Variants in SEPTIN9 observed in about 807,000 individuals in gnomAD.
The protein encoded by SEPTIN9 is septin 9.
Under a neutral mutation model 56.6 loss-of-function variants are expected in SEPTIN9, and 13 were observed. That is an observed-to-expected ratio of 0.23 (90% confidence interval 0.15 to 0.37). The LOEUF (loss-of-function observed/expected upper bound fraction) is 0.37, where lower values mean the gene tolerates loss of function less well. SEPTIN9 is among the 10% of genes least tolerant of loss of function. The probability of loss-of-function intolerance (pLI) is 1.00; values close to 1 mark genes in which losing one functional copy is unlikely to be tolerated. For missense variants in SEPTIN9, 650 were observed against 823.1 expected, an observed-to-expected ratio of 0.79 and a Z score of 2.57; for synonymous variants, 332 against 334.1, an observed-to-expected ratio of 0.99 and a Z score of 0.07.
rs1468467675 is a variant in SEPTIN9, at chr17:77,367,348, C to G, written c.77-34711C>G. On this transcript the variant is annotated intron_variant, in intron 2 of 11. Transcript: ENST00000427177. This position sits in a 1 kb window ranked among gnomAD's most constrained non-coding sequence, Gnocchi z 4.5. The stretch of plus-strand genomic sequence containing the variant: ...ATGAAGAATCCATGTGTGTTCTGAA[C>G]GTCCCCTCTGCCCCTTTGGGCTCAT... Among the ~76,000 whole-genome samples, 1 of 152,196 alleles carries G rather than the reference C, an allele frequency of 6.6e-6. No individual in the cohort carries two copies. Among genetic ancestry groups the G allele is most frequent in the South Asian group, 2.1e-4 (1 of 4,832 alleles).
chr17:77,488,387 T>A (rs2039884665), intron 6 of SEPTIN9, 66 bp downstream of exon 6: 2 of 1,458,920 alleles, frequency 1.4e-6, no homozygotes, highest in Non-Finnish European at 1.9e-6. Context: ...CCACCCAGAG[T>A]CAGCCCTAGA....
Position 77,352,557 on chromosome 17 carries a change from C to T in SEPTIN9, c.76+45360C>T, listed in dbSNP as rs368662677. ...CCATGCCTTTCTCCGAGCTCTGCGG[C>T]GGCCAGCAACCCCTGGTATTCCTCG... is the stretch of plus-strand genomic sequence containing the variant. On this transcript the variant is annotated intron_variant, in intron 2 of 11. Coordinates refer to ENST00000427177, the MANE Select transcript of SEPTIN9 (RefSeq NM_001113491.2). Among the ~76,000 whole-genome samples, 6 of 152,324 alleles carry T rather than the reference C, an allele frequency of 3.9e-5. No homozygotes were observed. The East Asian group carries it at 7.7e-4, about 20-fold the overall frequency.
intron 2 of SEPTIN9, among the ~76,000 whole-genome samples, chr17:77,388,614 G>A (rs1451885587): frequency 6.6e-6 from 1 of 152,130 alleles, no homozygotes; most frequent in Non-Finnish European, 1.5e-5. Context: ...GCAGGTCTGG[G>A]AAGCAGCTGG....
At chr17:77,481,528 C>T (rs537478009) in intron 3 of SEPTIN9, among the ~76,000 whole-genome samples, 1 of 150,648 alleles carries the variant, frequency 6.6e-6, no homozygotes, top group Non-Finnish European at 1.5e-5. Flanking sequence ...CCATGGGGAC[C>T]GACGCTGGTT....
At position 77,405,136 on chromosome 17, in the gene SEPTIN9, G is replaced by A. The variant is rs2036022555; in HGVS notation, c.721+2433G>A. ...CAGGGACGTGGTCCTGGCTCTGGGG[G>A]ACAGGTAGGGGGATGTCCATGGGGA... On this transcript the variant is annotated intron_variant, in intron 3 of 11. Coordinates refer to ENST00000427177, the MANE Select transcript of SEPTIN9 (RefSeq NM_001113491.2). This position sits in a 1 kb window ranked among gnomAD's most constrained non-coding sequence, Gnocchi z 5.8. 6.5e-7 allele frequency: 1 copy of A among 1,535,098 alleles called. No homozygotes were observed. Among genetic ancestry groups the A allele is most frequent in the Non-Finnish European group, 8.7e-7 (1 of 1,146,386 alleles).
chr17:77,387,597 C>T (rs2001613), intron 2 of SEPTIN9, among the ~76,000 whole-genome samples: 58,453 of 151,816 alleles, frequency 0.39, 11,987 homozygotes, highest in Non-Finnish European at 0.46. Context: ...TCGGAGACAC[C>T]GCGGATCTCC....
At chr17:77,379,652 G>T (rs565743583) in intron 2 of SEPTIN9, among the ~76,000 whole-genome samples, 2 of 152,284 alleles carry the variant, frequency 1.3e-5, no homozygotes, top group African/African-American at 4.8e-5. Context: ...TGGGTTCAGG[G>T]CCTCACTGTT....
At chr17:77,320,141 T>C (rs2143651723) in intron 2 of SEPTIN9, 1 of 1,498,596 alleles carries the variant, frequency 6.7e-7, no homozygotes, top group Non-Finnish European at 8.9e-7. Flanking sequence ...CACATGGAAA[T>C]GTGGTAATTC....
chr17:77,326,371 G>A lies in SEPTIN9; in HGVS notation c.76+19174G>A, dbSNP rs1021465592. Among the ~76,000 whole-genome samples the A allele has an allele frequency of 5.9e-5, 9 of 151,714 alleles. No individual in the cohort carries two copies. The highest frequency in any genetic ancestry group is 2.2e-4 in the African/African-American group (9 of 41,252). ...AGGAAGTGACAGGTGTGACAAAGGG[G>A]ACCAGTGGCAGGACAGAACCTGCGG... On this transcript the variant is annotated intron_variant, in intron 2 of 11. Transcript: ENST00000427177. The surrounding 1 kb of genome is among the most constrained non-coding windows in gnomAD (Gnocchi z 5.1).
intron 10 of SEPTIN9, among the ~76,000 whole-genome samples, chr17:77,494,643 C>A (rs1372173122): frequency 6.6e-6 from 1 of 152,256 alleles, no homozygotes; most frequent in Admixed American, 6.5e-5. Context: ...ACTGGCTAGA[C>A]ATGGGTTATC....
intron 2 of SEPTIN9, chr17:77,373,392 T>TGCAGGA: frequency 8.0e-7 from 1 of 1,250,514 alleles, no homozygotes; most frequent in Non-Finnish European, 1.0e-6. Context: ...AGCTCTGCAC[T>TGCAGGA]GCAGGAGCGC....
chr17:77,481,315 G>C (rs1485818759), intron 3 of SEPTIN9, among the ~76,000 whole-genome samples: 1 of 152,254 alleles, frequency 6.6e-6, no homozygotes, highest in Non-Finnish European at 1.5e-5. Flanking sequence ...CTTGGTCTTG[G>C]CCTGTGGGTG....
intron 2 of SEPTIN9, among the ~76,000 whole-genome samples, chr17:77,346,040 T>G (rs1345919372): frequency 6.6e-6 from 1 of 152,072 alleles, no homozygotes; most frequent in African/African-American, 2.4e-5. Context: ...AACCTCCACC[T>G]CCCGGGTTCA....
chr17:77,308,277 A>C (rs1465780327), intron 2 of SEPTIN9, among the ~76,000 whole-genome samples: 1 of 152,220 alleles, frequency 6.6e-6, no homozygotes, highest in Non-Finnish European at 1.5e-5. Context: ...ACCAAAGGAC[A>C]CGGACCCGGA....
intron 3 of SEPTIN9, among the ~76,000 whole-genome samples, chr17:77,414,665 C>T (rs894518687): frequency 5.3e-5 from 8 of 151,004 alleles, no homozygotes; most frequent in African/African-American, 1.7e-4. Context: ...GCAACCTCCA[C>T]CTCCCAGGCT....
In SEPTIN9 at chr17:77,433,390, C is replaced by T. The variant is rs2037219307; in HGVS notation, c.721+30687C>T. Among the ~76,000 whole-genome samples the T allele has an allele frequency of 1.3e-5, 2 of 148,550 alleles. No homozygotes were observed. The highest frequency in any genetic ancestry group is 5.2e-5 in the African/African-American group (2 of 38,530). Reference sequence around the variant, plus strand: ...CGCTAGGTCAGGGTGGGGCTGGGTGCGAGGACCCCCCCCGGCCAACAGGGT... The same window carrying T: ...CGCTAGGTCAGGGTGGGGCTGGGTGTGAGGACCCCCCCCGGCCAACAGGGT... On this transcript the variant is annotated intron_variant, in intron 3 of 11. Transcript: ENST00000427177. This position sits in a 1 kb window ranked among gnomAD's most constrained non-coding sequence, Gnocchi z 6.4.
chr17:77,441,199 T>C (rs561139809), intron 3 of SEPTIN9, among the ~76,000 whole-genome samples: 20 of 152,302 alleles, frequency 1.3e-4, no homozygotes, highest in Non-Finnish European at 2.2e-4. Flanking sequence ...CACTTTTGCC[T>C]GCCCTGGTGT....
At chr17:77,427,987 A>G (rs902790483) in intron 3 of SEPTIN9, among the ~76,000 whole-genome samples, 3 of 152,246 alleles carry the variant, frequency 2.0e-5, no homozygotes, top group South Asian at 2.1e-4. Flanking sequence ...CGATTCATTT[A>G]TTGTCATCAG....
chr17:77,319,611 T>C lies in SEPTIN9; in HGVS notation c.76+12414T>C. On this transcript the variant is annotated intron_variant, in intron 2 of 11. Transcript: ENST00000427177. This position sits in a 1 kb window ranked among gnomAD's most constrained non-coding sequence, Gnocchi z 5.3. ...GGAACCTTTTCTCAGCACGCTGGCC[T>C]GGGGCACGGCCGTTCCTCCTGCCCA... The C allele has an allele frequency of 9.4e-7, 1 of 1,061,638 alleles. No homozygotes were observed. The highest frequency in any genetic ancestry group is 1.1e-6 in the Non-Finnish European group (1 of 877,042). The allele number at this position is 1,061,638 out of a possible 1,614,324, so 65.8% of individuals were successfully genotyped here. A position where few individuals can be genotyped will look rare whatever the true frequency, so the allele number is the denominator to read the frequency against.
Sources: allele counts gnomAD v4.1 joint callset (sites outside exome capture counted in the v4.1 genomes callset), GRCh38; gene constraint gnomAD v4.1.1; non-coding constraint Gnocchi (gnomAD v3.1); transcripts MANE v1.5; gene names NCBI Gene and HGNC (gene_info 2026-07-23, HGNC 2026-07-21).